Variants in CNTN5 observed in about 807,000 individuals in gnomAD.
CNTN5 encodes the protein contactin-5.
CNTN5 carries 77 observed loss-of-function variants against 129.1 expected under a neutral mutation model. The observed-to-expected ratio is 0.60, with a 90% CI of 0.50 to 0.72. The LOEUF (loss-of-function observed/expected upper bound fraction) is 0.72. CNTN5 is among the 30% of genes least tolerant of loss of function. The pLI is 0.00. For missense variants in CNTN5, 1,478 were observed against 1,328.8 expected, an observed-to-expected ratio of 1.11 and a Z score of -1.75; for synonymous variants, 509 against 465.6, an observed-to-expected ratio of 1.09 and a Z score of -1.20.
intron 3 of CNTN5, among the ~76,000 whole-genome samples, chr11:99,584,016 A>G (rs111945983): frequency 3.9e-5 from 6 of 152,318 alleles, no homozygotes; most frequent in African/African-American, 1.4e-4. Context: ...ACTGTAAGTA[A>G]CAGCCATCAT....
At chr11:99,610,189 C>T (rs546152604) in intron 3 of CNTN5, among the ~76,000 whole-genome samples, 12 of 152,044 alleles carry the variant, frequency 7.9e-5, no homozygotes, top group Non-Finnish European at 1.3e-4. Flanking sequence ...AAGGATTAAG[C>T]GAATATTAAG....
chr11:99,310,887 C>A (rs552102027), intron 1 of CNTN5, among the ~76,000 whole-genome samples: 85 of 151,958 alleles, frequency 5.6e-4, no homozygotes, highest in African/African-American at 1.9e-3. Flanking sequence ...GAGCATATAC[C>A]TTTTTCCTCC....
At chr11:100,307,532 T>A (rs113265435) in intron 20 of CNTN5, among the ~76,000 whole-genome samples, 12 of 151,100 alleles carry the variant, frequency 7.9e-5, no homozygotes, top group African/African-American at 2.7e-4. Context: ...AAAAAAATAG[T>A]GTGAAAGGTC....
At chr11:99,240,032 C>T (rs1188174103) in intron 1 of CNTN5, among the ~76,000 whole-genome samples, 1 of 151,784 alleles carries the variant, frequency 6.6e-6, no homozygotes, top group African/African-American at 2.4e-5. Context: ...AGCCCTTGTT[C>T]CAGATGCACA....
At chr11:99,481,675 G>A (rs911217618) in intron 2 of CNTN5, among the ~76,000 whole-genome samples, 6 of 152,064 alleles carry the variant, frequency 3.9e-5, no homozygotes, top group Non-Finnish European at 7.4e-5. Context: ...AAGCTCCCCC[G>A]TGATTTCCTT....
chr11:99,671,108 C>G (rs762758130), intron 3 of CNTN5, among the ~76,000 whole-genome samples: 2 of 150,736 alleles, frequency 1.3e-5, no homozygotes, highest in Non-Finnish European at 2.9e-5. Context: ...CTCGCTCGCT[C>G]GCTCTTGCTC....
chr11:99,258,582 C>T (rs1049930450), intron 1 of CNTN5, among the ~76,000 whole-genome samples: 1 of 151,932 alleles, frequency 6.6e-6, no homozygotes, highest in South Asian at 2.1e-4. Context: ...AAATCATTCC[C>T]TCTCCAAGTA....
intron 6 of CNTN5, among the ~76,000 whole-genome samples, chr11:99,877,547 GCATTTCCAAT>G (rs1232723678): frequency 6.6e-6 from 1 of 151,928 alleles, no homozygotes; most frequent in Non-Finnish European, 1.5e-5. Context: ...ATTTATATCT[GCATTTCCAAT>G]CAACCATTCA....
At chr11:100,245,880 G>T (rs1949830765) in intron 16 of CNTN5, among the ~76,000 whole-genome samples, 1 of 151,906 alleles carries the variant, frequency 6.6e-6, no homozygotes, top group East Asian at 1.9e-4. Flanking sequence ...TTGGAAAAGG[G>T]GTATCAGTAC....
At chr11:99,862,364 A>ATGT (rs35103619) in intron 6 of CNTN5, among the ~76,000 whole-genome samples, 138,196 of 151,804 alleles carry the variant, frequency 0.91, 63,115 homozygotes, top group South Asian at 0.96. Context: ...CTTATAACAG[A>ATGT]TGTTTTTTTT....
intron 3 of CNTN5, among the ~76,000 whole-genome samples, chr11:99,784,132 C>A (rs974341981): frequency 6.6e-6 from 1 of 151,980 alleles, no homozygotes; most frequent in Non-Finnish European, 1.5e-5. Context: ...TCAGTCAACC[C>A]AGGTTCAGAA....
chr11:99,195,510 C>T (rs961168), intron 1 of CNTN5, among the ~76,000 whole-genome samples: 144,009 of 152,064 alleles, frequency 0.95, 68,250 homozygotes, highest in East Asian at 1. Context: ...GAGTAAGCAC[C>T]CTTCATTATT....
Position 99,836,713 on chromosome 11 carries a change from G to A in CNTN5, c.278-8139G>A, listed in dbSNP as rs544376637. 5.5e-4 allele frequency among the ~76,000 whole-genome samples: 83 copies of A among 152,186 alleles called. No homozygotes were observed. The South Asian group carries it at 9.1e-3, about 17-fold the overall frequency. Reference sequence around the variant, plus strand: ...TCTAGTTCTAGATCCTTGAGGAATCGCCACACTGTCTTCCACAATGGTTGA... The same window carrying A: ...TCTAGTTCTAGATCCTTGAGGAATCACCACACTGTCTTCCACAATGGTTGA... On this transcript the variant is annotated intron_variant, in intron 4 of 24. Coordinates refer to ENST00000524871, the MANE Select transcript of CNTN5 (RefSeq NM_014361.4).
chr11:99,701,982 CAA>C (rs926904378), intron 3 of CNTN5, among the ~76,000 whole-genome samples: 2 of 151,030 alleles, frequency 1.3e-5, no homozygotes, highest in African/African-American at 4.8e-5. Flanking sequence ...GTGACATTAA[CAA>C]GAGGCCAAGG....
At chr11:99,866,553 G>T (rs1490299988) in intron 6 of CNTN5, among the ~76,000 whole-genome samples, 1 of 152,132 alleles carries the variant, frequency 6.6e-6, no homozygotes, top group African/African-American at 2.4e-5. Context: ...TGCTATGCAT[G>T]GTAGATTTAA....
chr11:100,132,499 C>A (rs939679465), intron 13 of CNTN5, among the ~76,000 whole-genome samples: 1 of 152,046 alleles, frequency 6.6e-6, no homozygotes, highest in East Asian at 1.9e-4. Context: ...ATAATGTCTT[C>A]TCAAATTTTA....
Position 99,738,910 on chromosome 11 carries a change from C to T in CNTN5, c.56-80634C>T, listed in dbSNP as rs140441840. Among the ~76,000 whole-genome samples the T allele has an allele frequency of 4.0e-3, 612 of 152,180 alleles. 6 individuals carry two copies. The highest frequency in any genetic ancestry group is 0.014 in the African/African-American group (566 of 41,528). On this transcript the variant is annotated intron_variant, in intron 3 of 24. Transcript: ENST00000524871. ...AAATATTAGAATCACCTCTAGCTTA[C>T]GCTTGTTATACTTATGAGAATAAAT...
At chr11:99,191,289 G>T (rs574048915) in intron 1 of CNTN5, among the ~76,000 whole-genome samples, 8 of 151,632 alleles carry the variant, frequency 5.3e-5, no homozygotes, top group African/African-American at 1.7e-4. Flanking sequence ...AGGAATATTG[G>T]CCTATAATTT....
chr11:99,363,704 A>G (rs910601763), intron 2 of CNTN5, among the ~76,000 whole-genome samples: 6 of 152,144 alleles, frequency 3.9e-5, no homozygotes, highest in South Asian at 2.1e-4. Context: ...AATAAATCCC[A>G]TGGCCATGCT....
Sources: gnomAD v4.1 joint callset for allele counts (sites outside exome capture counted in the v4.1 genomes callset) on GRCh38, gnomAD v4.1.1 for gene constraint, MANE v1.5 for transcripts, NCBI Gene and HGNC (gene_info 2026-07-23, HGNC 2026-07-21) for gene names.